CNTNAP5: variants seen among roughly 807,000 people sequenced by gnomAD.
The protein encoded by CNTNAP5 is contactin associated protein family member 5, also known as contactin-associated protein-like 5.
In CNTNAP5, 72 loss-of-function variants were observed where a neutral mutation model predicts 150.2. The observed-to-expected ratio is 0.48, with a 90% CI of 0.40 to 0.58. The LOEUF (loss-of-function observed/expected upper bound fraction) is 0.58. CNTNAP5 is among the 20% of genes least tolerant of loss of function. The pLI is 0.00. For missense variants in CNTNAP5, 1,636 were observed against 1,626.2 expected (o/e 1.01, Z -0.10); for synonymous variants, 672 against 619.8 (o/e 1.08, Z -1.25).
intron 21 of CNTNAP5, among the ~76,000 whole-genome samples, chr2:124,878,810 G>A (rs541738566): frequency 6.6e-6 from 1 of 151,556 alleles, no homozygotes. Flanking sequence ...AGCCTCCCAA[G>A]TAGCTGGGAT....
intron 1 of CNTNAP5, among the ~76,000 whole-genome samples, chr2:124,088,926 C>A (rs1248235488): frequency 1.3e-5 from 2 of 152,198 alleles, no homozygotes; most frequent in African/African-American, 4.8e-5. Context: ...GGGTGTTTAA[C>A]CAGTCACAGT....
rs749799468 is a variant in CNTNAP5, at chr2:124,871,270, A to ATATTTATTTATTTATTTATT, written c.3436+1514_3436+1515insTTTATTTATTTATTTATTTA. On this transcript the variant is annotated intron_variant, in intron 21 of 23. Coordinates refer to ENST00000682447, the MANE Select transcript of CNTNAP5 (RefSeq NM_001367498.1). ...TTCCCTTCATTATACATACATATAC[A>ATATTTATTTATTTATTTATT]TATTTACTTACTTATTTATTTATTT... 9.7e-3 allele frequency among the ~76,000 whole-genome samples: 1,215 copies of ATATTTATTTATTTATTTATT among 125,814 alleles called. 6 individuals carry two copies. Among genetic ancestry groups the ATATTTATTTATTTATTTATT allele is most frequent in the Non-Finnish European group, 0.013 (897 of 67,678 alleles). The allele number at this position is 125,814 out of a possible 152,430, so 82.5% of individuals were successfully genotyped here.
chr2:124,556,870 G>A (rs1311427657), intron 10 of CNTNAP5, among the ~76,000 whole-genome samples: 1 of 152,082 alleles, frequency 6.6e-6, no homozygotes, highest in African/African-American at 2.4e-5. Flanking sequence ...AGAAAGTCAG[G>A]TTTGGTTAAA....
chr2:124,489,051 C>A (rs182668832), intron 7 of CNTNAP5, among the ~76,000 whole-genome samples: 2 of 152,312 alleles, frequency 1.3e-5, no homozygotes, highest in African/African-American at 4.8e-5. Flanking sequence ...TAGTGGAATC[C>A]ATTGTTTAAA....
chr2:124,758,400 T>C lies in CNTNAP5; in HGVS notation c.2235-5272T>C, dbSNP rs1275965827. On this transcript the variant is annotated intron_variant, in intron 14 of 23. Transcript: ENST00000682447. ...GATGACATCCAAGGGAAGGATTTAG[T>C]AGACAGTCAAATAAATATATATTCA... Among the ~76,000 whole-genome samples, 3 of 152,050 alleles carry C rather than the reference T, an allele frequency of 2.0e-5. No homozygotes were observed. The East Asian group carries it at 5.8e-4, about 29-fold the overall frequency.
At chr2:124,033,817 A>G (rs1681130704) in intron 1 of CNTNAP5, among the ~76,000 whole-genome samples, 1 of 152,134 alleles carries the variant, frequency 6.6e-6, no homozygotes, top group Admixed American at 6.6e-5. Context: ...TGGGGAAGGG[A>G]GCCTTCCAAT....
chr2:124,887,555 T>C (rs1366104309), intron 21 of CNTNAP5, among the ~76,000 whole-genome samples: 1 of 152,142 alleles, frequency 6.6e-6, no homozygotes, highest in Non-Finnish European at 1.5e-5. Flanking sequence ...TAGCTGTGTA[T>C]GTATGTATTA....
rs760682562 is a variant in CNTNAP5, at chr2:124,156,598, C to T, written c.83-65107C>T. On this transcript the variant is annotated intron_variant, in intron 1 of 23. Transcript: ENST00000682447. ...GCAACCTCCGCTTTCCAGGTTCACG[C>T]GATTCTCCTGTCTCAGCCTCCCAAG... 3.4e-4 allele frequency among the ~76,000 whole-genome samples: 51 copies of T among 152,238 alleles called. 1 individual carries two copies. Among genetic ancestry groups the T allele is most frequent in the East Asian group, 1.9e-4 (1 of 5,162 alleles).
intron 1 of CNTNAP5, among the ~76,000 whole-genome samples, chr2:124,151,367 C>T (rs554700483): frequency 2.6e-5 from 4 of 152,316 alleles, no homozygotes; most frequent in African/African-American, 9.6e-5. Flanking sequence ...CAGTGACTCT[C>T]CCTTCTCTAC....
At chr2:124,779,304 G>A (rs1469731187) in intron 17 of CNTNAP5, among the ~76,000 whole-genome samples, 2 of 152,208 alleles carry the variant, frequency 1.3e-5, no homozygotes, top group East Asian at 3.8e-4. Flanking sequence ...CAGCACTCCC[G>A]GTGGGACTGT....
chr2:124,340,322 G>A (rs1689579287), intron 3 of CNTNAP5, among the ~76,000 whole-genome samples: 1 of 152,192 alleles, frequency 6.6e-6, no homozygotes, highest in African/African-American at 2.4e-5. Flanking sequence ...ATGGTTTCAT[G>A]TGCACTGGAA....
intron 13 of CNTNAP5, among the ~76,000 whole-genome samples, chr2:124,688,971 G>T (rs145863274): frequency 6.6e-6 from 1 of 152,112 alleles, no homozygotes; most frequent in African/African-American, 2.4e-5. Flanking sequence ...ATAGCAGGCA[G>T]ATAATTATAC....
chr2:124,815,657 A>G (rs1015122633), intron 19 of CNTNAP5, among the ~76,000 whole-genome samples: 2 of 152,132 alleles, frequency 1.3e-5, no homozygotes, highest in Non-Finnish European at 2.9e-5. Flanking sequence ...AGATGCATCT[A>G]TGGGAAATAC....
intron 21 of CNTNAP5, among the ~76,000 whole-genome samples, chr2:124,892,636 T>C (rs1376386803): frequency 1.3e-5 from 2 of 152,142 alleles, no homozygotes; most frequent in African/African-American, 2.4e-5. Flanking sequence ...GGCCAAGCCC[T>C]ACAGGTGAGT....
chr2:124,621,136 A>C (rs1290998557), intron 12 of CNTNAP5, among the ~76,000 whole-genome samples: 2 of 152,298 alleles, frequency 1.3e-5, no homozygotes, highest in African/African-American at 2.4e-5. Context: ...TGCCTTTTTT[A>C]ATGTTAACAG....
chr2:124,725,976 A>G (rs1680150484), intron 13 of CNTNAP5, among the ~76,000 whole-genome samples: 2 of 151,932 alleles, frequency 1.3e-5, no homozygotes, highest in African/African-American at 4.8e-5. Context: ...GTATATATAT[A>G]TGATATATGA....
At chr2:124,040,621 C>CTGTG (rs58364625) in intron 1 of CNTNAP5, among the ~76,000 whole-genome samples, 34,356 of 144,836 alleles carry the variant, frequency 0.24, 4,288 homozygotes, top group South Asian at 0.31. Flanking sequence ...CTGTATGCCT[C>CTGTG]TGTGTGTGTG....
At chr2:124,785,597 G>A (rs1399558751) in intron 17 of CNTNAP5, among the ~76,000 whole-genome samples, 1 of 152,134 alleles carries the variant, frequency 6.6e-6, no homozygotes, top group Non-Finnish European at 1.5e-5. Context: ...GAGGTGCAAA[G>A]TCTAGATAGG....
chr2:124,033,930 G>T (rs191999541), intron 1 of CNTNAP5, among the ~76,000 whole-genome samples: 11 of 151,792 alleles, frequency 7.2e-5, no homozygotes, highest in Admixed American at 5.9e-4. Context: ...AAAAAAAAAA[G>T]TGTGTGAAAG....
Sources: gnomAD v4.1 joint callset for allele counts (sites outside exome capture counted in the v4.1 genomes callset) on GRCh38, gnomAD v4.1.1 for gene constraint, MANE v1.5 for transcripts, NCBI Gene and HGNC (gene_info 2026-07-23, HGNC 2026-07-21) for gene names.